Variants in MCC observed in about 807,000 individuals in gnomAD.
The protein encoded by MCC is MCC regulator of Wnt signaling pathway.
Under a neutral mutation model 116.2 loss-of-function variants are expected in MCC, and 90 were observed. That is an observed-to-expected ratio of 0.77 (90% CI 0.65 to 0.92). The LOEUF (loss-of-function observed/expected upper bound fraction) is 0.92. Among genes scored for constraint, MCC ranks in the 40% least tolerant of loss-of-function variants. MCC has a pLI of 0.00. For synonymous variants in MCC, 578 were observed against 510.5 expected, an observed-to-expected ratio of 1.13 and a Z score of -1.78; for missense variants, 1,516 against 1,312.2, an observed-to-expected ratio of 1.16 and a Z score of -2.40.
intron 18 of MCC, among the ~76,000 whole-genome samples, chr5:113,028,417 A>G (rs1364160193): frequency 5.9e-5 from 9 of 152,166 alleles, no homozygotes; most frequent in Admixed American, 5.2e-4. Context: ...AAAACTTTAA[A>G]TAATTTATCT....
chr5:113,110,994 C>T (rs78280656), intron 6 of MCC, among the ~76,000 whole-genome samples: 13,026 of 152,180 alleles, frequency 0.086, 763 homozygotes, highest in Middle Eastern at 0.14. Context: ...CTGCTCTGCC[C>T]GCCTCCACCC....
chr5:113,136,374 G>A (rs1396892932), intron 5 of MCC, among the ~76,000 whole-genome samples: 1 of 152,118 alleles, frequency 6.6e-6, no homozygotes, highest in African/African-American at 2.4e-5. Context: ...CCTACTGATG[G>A]TACAGCTCAT....
intron 1 of MCC, among the ~76,000 whole-genome samples, chr5:113,467,990 T>C (rs904497526): frequency 1.4e-4 from 22 of 152,212 alleles, no homozygotes; most frequent in African/African-American, 3.9e-4. Flanking sequence ...TTGTCTGTTA[T>C]TGGTGTATAG....
At chr5:113,276,887 C>A (rs1017080738) in intron 3 of MCC, among the ~76,000 whole-genome samples, 1 of 151,298 alleles carries the variant, frequency 6.6e-6, no homozygotes, top group African/African-American at 2.4e-5. Flanking sequence ...ATTCCCCCCA[C>A]CTCAGGCTTC....
intron 14 of MCC, among the ~76,000 whole-genome samples, chr5:113,054,516 C>T (rs749968578): frequency 2.6e-5 from 4 of 152,250 alleles, no homozygotes; most frequent in Non-Finnish European, 5.9e-5. Context: ...CACCCTCGCA[C>T]GTGTACGCAG....
At chr5:113,189,488 C>A (rs1035493197) in intron 3 of MCC, among the ~76,000 whole-genome samples, 1 of 152,158 alleles carries the variant, frequency 6.6e-6, no homozygotes, top group Non-Finnish European at 1.5e-5. Flanking sequence ...AAACTGAGTC[C>A]GAGAATTTAA....
chr5:113,394,555 A>G (rs548240657), intron 1 of MCC, among the ~76,000 whole-genome samples: 2 of 152,248 alleles, frequency 1.3e-5, no homozygotes, highest in South Asian at 4.2e-4. Context: ...TAGCTTCTAT[A>G]AACGGTCACT....
At position 113,024,474 on chromosome 5, in the gene MCC, CTG is replaced by C. The variant is rs1377067576; in HGVS notation, c.*2826_*2827del. On this transcript the variant is annotated 3_prime_UTR_variant, in exon 19 of 19. Transcript: ENST00000408903. ...CAATGGGAAATATATTCCAAGGGAACTGTGAAATGGGTCCTTTGGCTCTGTGC... is the reference window on the plus strand; with the variant it reads ...CAATGGGAAATATATTCCAAGGGAACTGAAATGGGTCCTTTGGCTCTGTGC... 6.6e-6 allele frequency: 1 copy of C among 152,200 alleles called. No homozygotes were observed. Among genetic ancestry groups the C allele is most frequent in the Non-Finnish European group, 1.5e-5 (1 of 68,048 alleles). 9.4% of individuals were successfully genotyped at this position (152,200 alleles called of 1,614,324 possible). A position where few individuals can be genotyped will look rare whatever the true frequency, so the allele number is the denominator to read the frequency against.
intron 3 of MCC, among the ~76,000 whole-genome samples, chr5:113,263,767 C>A (rs1039717524): frequency 6.6e-6 from 1 of 152,100 alleles, no homozygotes; most frequent in African/African-American, 2.4e-5. Flanking sequence ...TCTTAATTTT[C>A]CTGAAACGTT....
chr5:113,459,267 C>T (rs1771676593), intron 1 of MCC, among the ~76,000 whole-genome samples: 1 of 151,668 alleles, frequency 6.6e-6, no homozygotes, highest in Non-Finnish European at 1.5e-5. Flanking sequence ...GGTGCGGTGG[C>T]TCACACCTGT....
chr5:113,168,469 C>T (rs1171145688), intron 3 of MCC, among the ~76,000 whole-genome samples: 1 of 152,128 alleles, frequency 6.6e-6, no homozygotes, highest in African/African-American at 2.4e-5. Context: ...TTATTAAAAA[C>T]TTGACTAAGA....
At chr5:113,412,939 C>T (rs1580345422) in intron 1 of MCC, among the ~76,000 whole-genome samples, 1 of 152,116 alleles carries the variant, frequency 6.6e-6, no homozygotes, top group South Asian at 2.1e-4. Flanking sequence ...TTTTGAGATA[C>T]GTCCCATCAA....
chr5:113,124,584 T>G (rs926561464), intron 5 of MCC, among the ~76,000 whole-genome samples: 1 of 152,200 alleles, frequency 6.6e-6, no homozygotes, highest in Non-Finnish European at 1.5e-5. Flanking sequence ...TCCTGCCAAA[T>G]CTCCTGCTTT....
intron 3 of MCC, among the ~76,000 whole-genome samples, chr5:113,199,756 G>A (rs1171182321): frequency 6.6e-6 from 1 of 152,174 alleles, no homozygotes; most frequent in Non-Finnish European, 1.5e-5. Flanking sequence ...ATGAGGCCAA[G>A]GAGAGAGAAC....
At chr5:113,266,912 C>G (rs1765443003) in intron 3 of MCC, among the ~76,000 whole-genome samples, 1 of 151,988 alleles carries the variant, frequency 6.6e-6, no homozygotes, top group African/African-American at 2.4e-5. Context: ...CATTTCAAGC[C>G]TAGGGTATTT....
At chr5:113,053,497 G>A (rs1400143685) in intron 15 of MCC, among the ~76,000 whole-genome samples, 2 of 135,982 alleles carry the variant, frequency 1.5e-5, no homozygotes, top group African/African-American at 2.8e-5. Flanking sequence ...TCCAAAGTTG[G>A]GCTGGGACAC....
intron 1 of MCC, among the ~76,000 whole-genome samples, chr5:113,403,231 T>C (rs1219009478): frequency 6.6e-6 from 1 of 152,088 alleles, no homozygotes; most frequent in Non-Finnish European, 1.5e-5. Context: ...GTATTAGCCA[T>C]GGTAGCTTGC....
intron 2 of MCC, among the ~76,000 whole-genome samples, chr5:113,347,340 G>A (rs1768158944): frequency 6.6e-6 from 1 of 152,040 alleles, no homozygotes; most frequent in Non-Finnish European, 1.5e-5. Flanking sequence ...AAAAACTGGG[G>A]GGAAGATGTT....
intron 11 of MCC, among the ~76,000 whole-genome samples, chr5:113,076,763 A>T (rs866178691): frequency 9.8e-5 from 15 of 152,356 alleles, no homozygotes; most frequent in Middle Eastern, 6.8e-3. Flanking sequence ...AACAAGCAAA[A>T]TAACCAGCTA....
Sources: gnomAD v4.1 joint callset for allele counts (sites outside exome capture counted in the v4.1 genomes callset) on GRCh38, gnomAD v4.1.1 for gene constraint, MANE v1.5 for transcripts, NCBI Gene and HGNC (gene_info 2026-07-23, HGNC 2026-07-21) for gene names.